GABRB2: variants seen among roughly 807,000 people sequenced by gnomAD.
GABRB2 encodes the protein gamma-aminobutyric acid receptor subunit beta-2.
In GABRB2, 16 loss-of-function variants were observed where a neutral mutation model predicts 54.7. The ratio of observed to expected loss-of-function variants is 0.29; its 90% CI spans 0.20 to 0.44. GABRB2 has a LOEUF of 0.44. Among genes scored for constraint, GABRB2 ranks in the 20% least tolerant of loss-of-function variants. The pLI is 1.00. For missense variants in GABRB2, 355 were observed against 644.0 expected (o/e 0.55, Z 4.86); for synonymous variants, 244 against 233.8 (o/e 1.04, Z -0.40).
At chr5:161,530,998 A>G (rs1009130927) in intron 3 of GABRB2, among the ~76,000 whole-genome samples, 3 of 152,138 alleles carry the variant, frequency 2.0e-5, no homozygotes, top group Non-Finnish European at 4.4e-5. Flanking sequence ...TATTAACTCA[A>G]ATATTCATTT....
At chr5:161,489,131 G>T in intron 3 of GABRB2, among the ~76,000 whole-genome samples, 1 of 151,710 alleles carries the variant, frequency 6.6e-6, no homozygotes, top group East Asian at 1.9e-4. Context: ...AGAATGGATG[G>T]CTTGTGAGTA....
intron 4 of GABRB2, among the ~76,000 whole-genome samples, chr5:161,455,124 G>C (rs1317428580): frequency 6.6e-6 from 1 of 152,204 alleles, no homozygotes; most frequent in Non-Finnish European, 1.5e-5. Flanking sequence ...CAGCTGGTGT[G>C]CATGCTTAAA....
chr5:161,334,722 A>T, intron 7 of GABRB2, 30 bp downstream of exon 7: 1 of 1,610,388 alleles, frequency 6.2e-7, no homozygotes, highest in South Asian at 1.1e-5. Flanking sequence ...CACAGAGTCA[A>T]AATCCACAAG....
chr5:161,459,848 T>A lies in GABRB2; in HGVS notation c.238-4A>T, dbSNP rs1201990515. On this transcript the variant is annotated splice_polypyrimidine_tract_variant and splice_region_variant and intron_variant, in intron 3 of 9. Transcript: ENST00000393959. The stretch of plus-strand genomic sequence containing the variant: ...AGTACATTGTCAAGGTATAATCCTG[T>A]AAATGTGAGAAAAAAAAACATGGTT... 6.3e-7 allele frequency: 1 copy of A among 1,581,576 alleles called. No homozygotes were observed. Among genetic ancestry groups the A allele is most frequent in the Admixed American group, 1.7e-5 (1 of 59,552 alleles).
At chr5:161,468,772 A>T (rs1758352444) in intron 3 of GABRB2, among the ~76,000 whole-genome samples, 1 of 151,952 alleles carries the variant, frequency 6.6e-6, no homozygotes, top group African/African-American at 2.4e-5. Context: ...AAAAGATATG[A>T]AAGCATGAAT....
In GABRB2 at chr5:161,407,731, G is replaced by T. The variant is rs144114724; in HGVS notation, c.541+3244C>A. On this transcript the variant is annotated intron_variant, in intron 5 of 9. Transcript: ENST00000393959. Reference sequence around the variant, plus strand: ...GCATTCTATGTAGACAAAATATGGTGAGTTGCCTCTGACCACACAGGTAAC... The same window carrying T: ...GCATTCTATGTAGACAAAATATGGTTAGTTGCCTCTGACCACACAGGTAAC... Among the ~76,000 whole-genome samples, 7 of 152,096 alleles carry T rather than the reference G, an allele frequency of 4.6e-5. No individual in the cohort carries two copies. The East Asian group carries it at 1.4e-3, about 29-fold the overall frequency.
intron 4 of GABRB2, among the ~76,000 whole-genome samples, chr5:161,417,012 A>G (rs1205593632): frequency 6.6e-6 from 1 of 152,172 alleles, no homozygotes; most frequent in Non-Finnish European, 1.5e-5. Flanking sequence ...TTTAAGCATT[A>G]GAGTATGAAC....
intron 3 of GABRB2, among the ~76,000 whole-genome samples, chr5:161,539,445 T>C (rs1760744892): frequency 6.6e-6 from 1 of 152,198 alleles, no homozygotes; most frequent in African/African-American, 2.4e-5. Context: ...TGCATTTTCC[T>C]CATGATTTTC....
intron 5 of GABRB2, among the ~76,000 whole-genome samples, chr5:161,390,030 A>G (rs558328316): frequency 6.4e-4 from 98 of 152,232 alleles, no homozygotes; most frequent in African/African-American, 2.3e-3. Flanking sequence ...GGCAATGTAT[A>G]ATTAGGCAAC....
upstream of GABRB2, chr5:161,547,953 C>A (rs983254908): frequency 1.3e-5 from 2 of 152,270 alleles, no homozygotes; most frequent in African/African-American, 4.8e-5. Context: ...GGCCCCTCGT[C>A]CGGGACAGGG....
intron 5 of GABRB2, among the ~76,000 whole-genome samples, chr5:161,338,440 C>T (rs1442307522): frequency 6.6e-6 from 1 of 152,076 alleles, no homozygotes; most frequent in Non-Finnish European, 1.5e-5. Context: ...TATGATCTAA[C>T]GTAGAGCCAT....
Position 161,292,445 on chromosome 5 carries a change from AT to A in GABRB2, c.*1635del, listed in dbSNP as rs762653703. ...AAAGCAAAATATGAGCCTTATATTG[AT>A]AGAAGGAAGACATATTAGCTTATTC... On this transcript the variant is annotated 3_prime_UTR_variant, in exon 10 of 10. Coordinates refer to ENST00000393959, the MANE Select transcript of GABRB2 (RefSeq NM_001371727.1). 2 of 152,236 alleles carry A rather than the reference AT, an allele frequency of 1.3e-5. No individual in the cohort carries two copies. Among genetic ancestry groups the A allele is most frequent in the Non-Finnish European group, 2.9e-5 (2 of 68,040 alleles). 9.4% of individuals were successfully genotyped at this position (152,236 alleles called of 1,614,324 possible). A position where few individuals can be genotyped will look rare whatever the true frequency, so the allele number is the denominator to read the frequency against.
chr5:161,498,872 A>G (rs1759338999), intron 3 of GABRB2, among the ~76,000 whole-genome samples: 1 of 152,130 alleles, frequency 6.6e-6, no homozygotes, highest in African/African-American at 2.4e-5. Flanking sequence ...GCTCATAAAC[A>G]TGTTCTCCAT....
At chr5:161,362,147 G>A (rs1754832242) in intron 5 of GABRB2, among the ~76,000 whole-genome samples, 1 of 152,066 alleles carries the variant, frequency 6.6e-6, no homozygotes, top group Non-Finnish European at 1.5e-5. Flanking sequence ...ATCTGTTTTG[G>A]TACCAGTACC....
At chr5:161,305,329 T>A (rs2113353045) in intron 9 of GABRB2, among the ~76,000 whole-genome samples, 1 of 152,326 alleles carries the variant, frequency 6.6e-6, no homozygotes, top group South Asian at 2.1e-4. Context: ...ATATCAATTT[T>A]AATAGACATT....
intron 5 of GABRB2, among the ~76,000 whole-genome samples, chr5:161,389,675 G>T (rs1245690802): frequency 2.6e-5 from 4 of 151,646 alleles, no homozygotes; most frequent in African/African-American, 7.3e-5. Context: ...TTGTTTGGGA[G>T]TATGTGTTTA....
chr5:161,363,360 A>T (rs966404348), intron 5 of GABRB2, among the ~76,000 whole-genome samples: 1 of 152,022 alleles, frequency 6.6e-6, no homozygotes, highest in Non-Finnish European at 1.5e-5. Context: ...GGGGAACATC[A>T]CACACTGGTG....
chr5:161,342,635 A>T (rs904517188), intron 5 of GABRB2, among the ~76,000 whole-genome samples: 1 of 152,076 alleles, frequency 6.6e-6, no homozygotes, highest in African/African-American at 2.4e-5. Flanking sequence ...CCCTGGTATA[A>T]TCATTCCATA....
chr5:161,337,944 C>T (rs983328091), intron 5 of GABRB2, among the ~76,000 whole-genome samples: 7 of 152,038 alleles, frequency 4.6e-5, no homozygotes, highest in Non-Finnish European at 5.9e-5. Flanking sequence ...AAAAACAACC[C>T]AATAAATTTA....
Sources: allele counts gnomAD v4.1 joint callset (sites outside exome capture counted in the v4.1 genomes callset), GRCh38; gene constraint gnomAD v4.1.1; transcripts MANE v1.5; gene names NCBI Gene and HGNC (gene_info 2026-07-23, HGNC 2026-07-21).